The following DNAH5 variants were observed in gnomAD, a reference collection of about 807,000 sequenced individuals.
DNAH5 encodes axonemal beta dynein heavy chain 5.
DNAH5 carries 372 observed loss-of-function variants against 518.2 expected under a neutral mutation model. The ratio of observed to expected loss-of-function variants is 0.72; its 90% CI spans 0.66 to 0.78. The LOEUF (loss-of-function observed/expected upper bound fraction) is 0.78, where lower values mean the gene tolerates loss of function less well. DNAH5 is among the 30% of genes least tolerant of loss of function. The pLI is 0.00. For synonymous variants in DNAH5, 2,039 were observed against 2,025.9 expected, an observed-to-expected ratio of 1.01 and a Z score of -0.17; for missense variants, 5,523 against 5,687.0, an observed-to-expected ratio of 0.97 and a Z score of 0.93.
At chr5:13,983,011 T>A (rs1197587101) in intron 1 of DNAH5, among the ~76,000 whole-genome samples, 1 of 152,234 alleles carries the variant, frequency 6.6e-6, no homozygotes, top group East Asian at 1.9e-4. Flanking sequence ...CTGGCAGGCA[T>A]TTGAACTACC....
chr5:13,972,678 T>A (rs1055809974), intron 1 of DNAH5, among the ~76,000 whole-genome samples: 1 of 152,288 alleles, frequency 6.6e-6, no homozygotes, highest in Non-Finnish European at 1.5e-5. Flanking sequence ...CACTCGGAGT[T>A]TCTCAGCTGT....
chr5:13,708,054 T>C, intron 76 of DNAH5, 69 bp downstream of exon 76: 1 of 1,521,434 alleles, frequency 6.6e-7, no homozygotes, highest in Admixed American at 1.7e-5. Context: ...TTTCATGCTT[T>C]CCACTTGCCA....
At position 13,782,533 on chromosome 5, in the gene DNAH5, C is replaced by T. The variant is rs112248787; in HGVS notation, c.8821-1574G>A. 3.8e-3 allele frequency among the ~76,000 whole-genome samples: 573 copies of T among 152,240 alleles called. 4 individuals are homozygous for T. The highest frequency in any genetic ancestry group is 6.4e-3 in the Non-Finnish European group (433 of 68,012). Reference sequence around the variant, plus strand: ...CACACATGCCTCTTCAGATCTTCCCCTGACACAGCTTCAAGAGGCACAGAC... The same window carrying T: ...CACACATGCCTCTTCAGATCTTCCCTTGACACAGCTTCAAGAGGCACAGAC... On this transcript the variant is annotated intron_variant, in intron 52 of 78. Coordinates refer to ENST00000265104, the MANE Select transcript of DNAH5 (RefSeq NM_001369.3).
rs1760754255 is a variant in DNAH5 at position 13,811,773 on chromosome 5, C to T, written c.7281G>A (p.Leu2427=). 1 of 1,614,124 alleles carries T rather than the reference C, an allele frequency of 6.2e-7. No individual in the cohort carries two copies. The highest frequency in any genetic ancestry group is 1.1e-5 in the South Asian group (1 of 91,090). The change falls in exon 44 of 79, where the codon CTG becomes CTA. Residue 2427 remains leucine (L), a synonymous_variant. Transcript: ENST00000265104. ...SPQEAEILRQ[L]YTESFPDLYR... ...ACAAGTCTGGGAAAGACTCGGTGTA[C>T]AGCTGACGAAGAATTTCTGCTTCTT...
In DNAH5 at chr5:13,707,596, G is replaced by A. The variant is rs1311422321; in HGVS notation, c.13338+527C>T. Among the ~76,000 whole-genome samples, 1 of 152,202 alleles carries A rather than the reference G, an allele frequency of 6.6e-6. No homozygotes were observed. Among genetic ancestry groups the A allele is most frequent in the African/African-American group, 2.4e-5 (1 of 41,454 alleles). On this transcript the variant is annotated intron_variant, in intron 76 of 78. Transcript: ENST00000265104. The surrounding 1 kb of genome is among the most constrained non-coding windows in gnomAD (Gnocchi z 4.0). Reference sequence around the variant, plus strand: ...TCCCCCTAGGGATTTCAGCAGCAGGGCACAGAAAACCCAGCCACACCCCTG... The same window carrying A: ...TCCCCCTAGGGATTTCAGCAGCAGGACACAGAAAACCCAGCCACACCCCTG...
chr5:14,009,188 G>C (rs931193041), intron 1 of DNAH5, among the ~76,000 whole-genome samples: 1 of 152,200 alleles, frequency 6.6e-6, no homozygotes, highest in Admixed American at 6.5e-5. Context: ...CAGAACAGAG[G>C]TATAAATAAA....
Position 13,901,562 on chromosome 5 carries a change from G to C in DNAH5, c.1742C>G (p.Pro581Arg). 1 of 1,608,620 alleles carries C rather than the reference G, an allele frequency of 6.2e-7. No homozygotes were observed. The highest frequency in any genetic ancestry group is 8.5e-7 in the Non-Finnish European group (1 of 1,177,010). ...MLKKFERLNIPNLGIDDKYQL... is the reference protein window; with the variant it reads ...MLKKFERLNIRNLGIDDKYQL... ...ATATTTGTCATCAATACCAAGATTA[G>C]GTATATTCAATCTGATTTTTTTAAA... The change falls in exon 14 of 79, where the codon CCT becomes CGT. Residue 581 changes from proline (P) to arginine (R), a missense_variant. This residue lies in a region of DNAH5 where 5,121 missense variants were observed against 5,223.3 expected (regional missense o/e 0.98). Transcript: ENST00000265104.
chr5:13,782,324 T>C (rs138907390), intron 52 of DNAH5, among the ~76,000 whole-genome samples: 18 of 152,274 alleles, frequency 1.2e-4, no homozygotes, highest in African/African-American at 4.1e-4. Flanking sequence ...CTGTTGAAAA[T>C]ATGCCTGGTT....
chr5:13,881,075 G>C (rs528625499), intron 21 of DNAH5, among the ~76,000 whole-genome samples: 1 of 152,002 alleles, frequency 6.6e-6, no homozygotes, highest in Admixed American at 6.5e-5. Flanking sequence ...ATAATAAAAA[G>C]GGAATAAATT....
chr5:13,972,714 G>T (rs567185621), intron 1 of DNAH5, among the ~76,000 whole-genome samples: 2 of 152,122 alleles, frequency 1.3e-5, no homozygotes, highest in African/African-American at 2.4e-5. Flanking sequence ...GCAGCAAGCC[G>T]CTTCCTTCAA....
At chr5:13,772,145 T>C (rs1291848529) in intron 55 of DNAH5, among the ~76,000 whole-genome samples, 2 of 152,190 alleles carry the variant, frequency 1.3e-5, no homozygotes, top group Non-Finnish European at 2.9e-5. Context: ...TTCATACTTA[T>C]GATACATTTT....
intron 17 of DNAH5, among the ~76,000 whole-genome samples, chr5:13,889,459 A>G (rs2151946777): frequency 6.6e-6 from 1 of 152,306 alleles, no homozygotes; most frequent in East Asian, 1.9e-4. Context: ...GCAGGCCTGA[A>G]ACTGCTCTCC....
chr5:13,754,105 G>T, intron 62 of DNAH5, 98 bp downstream of exon 62: 1 of 1,412,234 alleles, frequency 7.1e-7, no homozygotes, highest in Non-Finnish European at 1.0e-6. Flanking sequence ...GTATACATGC[G>T]CCATGTTGGA....
At chr5:14,009,679 G>A (rs537424711) in intron 1 of DNAH5, among the ~76,000 whole-genome samples, 44 of 152,300 alleles carry the variant, frequency 2.9e-4, no homozygotes, top group African/African-American at 9.1e-4. Flanking sequence ...TTTGTTTCAC[G>A]ATTGCTGGTC....
chr5:13,963,967 C>T (rs1043063931), intron 1 of DNAH5, among the ~76,000 whole-genome samples: 1 of 152,116 alleles, frequency 6.6e-6, no homozygotes, highest in African/African-American at 2.4e-5. Flanking sequence ...TGCACACAAC[C>T]GCAAACTTCA....
chr5:13,849,951 C>A (rs542182933), intron 31 of DNAH5, among the ~76,000 whole-genome samples: 1 of 152,260 alleles, frequency 6.6e-6, no homozygotes, highest in South Asian at 2.1e-4. Context: ...GTGCACAGGA[C>A]AAGCTGGTTA....
At chr5:13,751,628 A>C (rs746481500) in intron 64 of DNAH5, among the ~76,000 whole-genome samples, 4 of 152,132 alleles carry the variant, frequency 2.6e-5, no homozygotes, top group Non-Finnish European at 5.9e-5. Context: ...AAGGTTTATT[A>C]CTCACTTGAT....
At chr5:13,950,647 G>C (rs1220985786) in intron 1 of DNAH5, among the ~76,000 whole-genome samples, 1 of 152,174 alleles carries the variant, frequency 6.6e-6, no homozygotes, top group Non-Finnish European at 1.5e-5. Context: ...AAAGCTCATG[G>C]GTTGTGAATG....
chr5:13,773,869 T>C (rs1328647058), intron 55 of DNAH5, among the ~76,000 whole-genome samples: 1 of 145,432 alleles, frequency 6.9e-6, no homozygotes, highest in Non-Finnish European at 1.5e-5. Flanking sequence ...AAAGGAGGAG[T>C]GGGTGGGGAG....
Sources: allele counts gnomAD v4.1 joint callset (sites outside exome capture counted in the v4.1 genomes callset), GRCh38; gene constraint gnomAD v4.1.1; regional missense constraint gnomAD v4.1.1; non-coding constraint Gnocchi (gnomAD v3.1); transcripts MANE v1.5; gene names NCBI Gene and HGNC (gene_info 2026-07-23, HGNC 2026-07-21).